CTNND2: variants seen among roughly 807,000 people sequenced by gnomAD.
CTNND2 encodes catenin delta-2.
Under a neutral mutation model 144.4 loss-of-function variants are expected in CTNND2, and 22 were observed. That is an observed-to-expected ratio of 0.15 (90% CI 0.11 to 0.22). The LOEUF is 0.22. CTNND2 is among the 10% of genes least tolerant of loss of function. The pLI, the probability that CTNND2 is intolerant of heterozygous loss-of-function variation, is 1.00. For synonymous variants in CTNND2, 751 were observed against 695.6 expected (o/e 1.08, Z -1.25); for missense variants, 1,353 against 1,618.8 (o/e 0.84, Z 2.82).
chr5:11,531,423 C>T (rs1010068704), intron 3 of CTNND2, among the ~76,000 whole-genome samples: 8 of 152,030 alleles, frequency 5.3e-5, no homozygotes, highest in Non-Finnish European at 1.0e-4. Context: ...ATCAGGAGTT[C>T]GAGGCCAGCC....
chr5:11,774,634 C>T (rs947518565), intron 1 of CTNND2, among the ~76,000 whole-genome samples: 1 of 150,832 alleles, frequency 6.6e-6, no homozygotes, highest in Non-Finnish European at 1.5e-5. Context: ...ACCAGATAGT[C>T]ACATTTTCGC....
chr5:11,165,714 A>G (rs545707657), intron 11 of CTNND2, among the ~76,000 whole-genome samples: 2 of 152,236 alleles, frequency 1.3e-5, no homozygotes, highest in Non-Finnish European at 2.9e-5. Flanking sequence ...TTTCAGGCAC[A>G]GAATGGCTCT....
At chr5:11,254,058 T>C (rs1394690493) in intron 9 of CTNND2, among the ~76,000 whole-genome samples, 1 of 152,234 alleles carries the variant, frequency 6.6e-6, no homozygotes, top group Non-Finnish European at 1.5e-5. Context: ...ATTTAGAAAA[T>C]GATGACCTTC....
chr5:11,236,231 C>T (rs1003195162), intron 10 of CTNND2, among the ~76,000 whole-genome samples: 4 of 152,134 alleles, frequency 2.6e-5, no homozygotes, highest in African/African-American at 7.2e-5. Flanking sequence ...TAACACAAAG[C>T]CAATTTAGTG....
rs1409935642 is a variant in CTNND2 at position 11,852,442 on chromosome 5, G to A, written c.37+51375C>T. Among the ~76,000 whole-genome samples, 4 of 152,130 alleles carry A rather than the reference G, an allele frequency of 2.6e-5. No individual in the cohort carries two copies. The East Asian group carries it at 7.7e-4, about 29-fold the overall frequency. On this transcript the variant is annotated intron_variant, in intron 1 of 21. Transcript: ENST00000304623. The stretch of plus-strand genomic sequence containing the variant: ...AAGGAACAAATGGCAAGAATCAAGA[G>A]AGAACTGAGAAAAATACTGTGAGAA...
chr5:11,325,520 TAAAAATTAATTTATGTATCCATGAATGA>T (rs1752439350), intron 9 of CTNND2, among the ~76,000 whole-genome samples: 1 of 152,196 alleles, frequency 6.6e-6, no homozygotes, highest in South Asian at 2.1e-4. Context: ...GACAGGGTTT[TAAAAATTAATTTATGTATCCATGAATGA>T]ATGCTATTTA....
intron 1 of CTNND2, among the ~76,000 whole-genome samples, chr5:11,817,929 A>C (rs1261231676): frequency 6.6e-6 from 1 of 151,504 alleles, no homozygotes; most frequent in African/African-American, 2.4e-5. Context: ...CAGGCAAAAC[A>C]ATCTCAGGGG....
At chr5:11,041,459 A>C (rs1356470396) in intron 16 of CTNND2, among the ~76,000 whole-genome samples, 1 of 152,168 alleles carries the variant, frequency 6.6e-6, no homozygotes, top group African/African-American at 2.4e-5. Context: ...TCTTAGGCAG[A>C]AGCTCTTTTC....
intron 1 of CTNND2, among the ~76,000 whole-genome samples, chr5:11,733,168 C>T (rs1028262603): frequency 6.6e-6 from 1 of 152,092 alleles, no homozygotes; most frequent in African/African-American, 2.4e-5. Context: ...TAATAGAATC[C>T]AACCCAGGGA....
chr5:11,235,359 C>T (rs1243538315), intron 10 of CTNND2, among the ~76,000 whole-genome samples: 6 of 152,052 alleles, frequency 3.9e-5, no homozygotes, highest in African/African-American at 1.4e-4. Flanking sequence ...TTTTGCATGG[C>T]CATTGTTTTT....
At chr5:11,885,060 T>C (rs548109499) in intron 1 of CTNND2, among the ~76,000 whole-genome samples, 10 of 152,326 alleles carry the variant, frequency 6.6e-5, no homozygotes, top group Admixed American at 2.6e-4. Context: ...GAATTCAGTA[T>C]GCTAGTATTC....
At chr5:11,253,028 A>C (rs1475652018) in intron 9 of CTNND2, among the ~76,000 whole-genome samples, 2 of 152,162 alleles carry the variant, frequency 1.3e-5, no homozygotes, top group Non-Finnish European at 2.9e-5. Flanking sequence ...TATCTCTGCT[A>C]TGCTTTCTCC....
intron 3 of CTNND2, among the ~76,000 whole-genome samples, chr5:11,539,714 T>A (rs1346445846): frequency 6.6e-6 from 1 of 152,200 alleles, no homozygotes; most frequent in East Asian, 1.9e-4. Context: ...TGCCACATGC[T>A]TGTTCCTCCA....
chr5:11,432,415 G>A (rs945243860), intron 3 of CTNND2, among the ~76,000 whole-genome samples: 3 of 152,200 alleles, frequency 2.0e-5, no homozygotes, highest in Non-Finnish European at 4.4e-5. Flanking sequence ...TCCCAGGGGA[G>A]TGTTGGCATG....
intron 15 of CTNND2, among the ~76,000 whole-genome samples, chr5:11,085,468 G>A (rs140295200): frequency 1.2e-4 from 18 of 152,224 alleles, no homozygotes; most frequent in African/African-American, 2.6e-4. Flanking sequence ...GGAATTTCTC[G>A]CTTGTGTCAG....
chr5:11,649,239 G>C (rs1782523148), intron 2 of CTNND2, among the ~76,000 whole-genome samples: 1 of 152,122 alleles, frequency 6.6e-6, no homozygotes, highest in African/African-American at 2.4e-5. Context: ...AAGTAACCCA[G>C]GTTGTCTAAG....
At chr5:11,619,775 CA>C (rs1422939020) in intron 2 of CTNND2, among the ~76,000 whole-genome samples, 1 of 152,166 alleles carries the variant, frequency 6.6e-6, no homozygotes, top group East Asian at 1.9e-4. Flanking sequence ...AAATTTCTCT[CA>C]CTGTACTCAT....
chr5:11,622,432 A>C (rs1454399506), intron 2 of CTNND2, among the ~76,000 whole-genome samples: 1 of 152,172 alleles, frequency 6.6e-6, no homozygotes, highest in Non-Finnish European at 1.5e-5. Flanking sequence ...TAAACACAAT[A>C]ATAATGTAAG....
Position 11,877,849 on chromosome 5 carries a change from CAA to C in CTNND2, c.37+25966_37+25967del, listed in dbSNP as rs552057179. Among the ~76,000 whole-genome samples, 8 of 152,022 alleles carry C rather than the reference CAA, an allele frequency of 5.3e-5. No individual in the cohort carries two copies. In the South Asian group the frequency reaches 1.7e-3, roughly 32 times the overall value. ...TCATTTGGGAAGAAGTGCTATAGAACAAAGAGAGGAAAAATACAATTTCAAAT... is the reference window on the plus strand; with the variant it reads ...TCATTTGGGAAGAAGTGCTATAGAACAGAGAGGAAAAATACAATTTCAAAT... On this transcript the variant is annotated intron_variant, in intron 1 of 21. Coordinates refer to ENST00000304623, the MANE Select transcript of CTNND2 (RefSeq NM_001332.4).
Sources: allele counts gnomAD v4.1 joint callset (sites outside exome capture counted in the v4.1 genomes callset), GRCh38; gene constraint gnomAD v4.1.1; transcripts MANE v1.5; gene names NCBI Gene and HGNC (gene_info 2026-07-23, HGNC 2026-07-21).